Variants in MYOT observed in about 807,000 individuals in gnomAD.
MYOT encodes the protein 57 kDa cytoskeletal protein.
MYOT carries 36 observed loss-of-function variants against 58.0 expected under a neutral mutation model. The observed-to-expected ratio is 0.62, with a 90% confidence interval of 0.48 to 0.82. The LOEUF is 0.82. MYOT is among the 40% of genes least tolerant of loss of function. The pLI, the probability that MYOT is intolerant of heterozygous loss-of-function variation, is 0.00. For missense variants in MYOT, 505 were observed against 592.1 expected (o/e 0.85, Z 1.53); for synonymous variants, 218 against 204.6 (o/e 1.07, Z -0.56).
rs780331457 is a variant in MYOT at position 137,887,232 on chromosome 5, TC to T, written c.1346del (p.Pro449GlnfsTer16). 1.2e-5 allele frequency: 20 copies of T among 1,613,958 alleles called. No individual in the cohort carries two copies. In the African/African-American group the frequency reaches 2.7e-4, roughly 22 times the overall value. On this transcript the variant is annotated frameshift_variant, in exon 10 of 10. Coordinates refer to ENST00000239926, the MANE Select transcript of MYOT (RefSeq NM_006790.3). LOFTEE classifies it high-confidence loss of function. ...DVTARPNQTL[P>X]APKQLRVRPT... Reference sequence around the variant, plus strand: ...TTTCAGCACGTCCAAACCAAACTCTTCCAGCTCCTAAGCAGTTACGGGTTCG... The same window carrying T: ...TTTCAGCACGTCCAAACCAAACTCTTCAGCTCCTAAGCAGTTACGGGTTCG...
At chr5:137,872,168 T>C (rs1755071930) in intron 2 of MYOT, among the ~76,000 whole-genome samples, 1 of 152,226 alleles carries the variant, frequency 6.6e-6, no homozygotes, top group Admixed American at 6.5e-5. Flanking sequence ...GATAGTCAAC[T>C]GTTTTTGACC....
intron 5 of MYOT, among the ~76,000 whole-genome samples, chr5:137,881,685 T>C (rs1386429534): frequency 3.9e-5 from 6 of 152,094 alleles, no homozygotes; most frequent in Non-Finnish European, 8.8e-5. Context: ...AAAACTTAAT[T>C]TGGATATTTT....
At position 137,887,632 on chromosome 5, in the gene MYOT, G is replaced by A. The variant is rs1398077023; in HGVS notation, c.*247G>A. On this transcript the variant is annotated 3_prime_UTR_variant, in exon 10 of 10. Transcript: ENST00000239926. ...CTGCAGAAGACTATCTTAAAATACA[G>A]GATTTTAACATTTAAGTCATGCACA... is the stretch of plus-strand genomic sequence containing the variant. The A allele has an allele frequency of 9.6e-6, 2 of 207,858 alleles. No homozygotes were observed. Among genetic ancestry groups the A allele is most frequent in the Non-Finnish European group, 1.9e-5 (2 of 106,710 alleles). 12.9% of individuals were successfully genotyped at this position (207,858 alleles called of 1,614,324 possible).
chr5:137,868,471 C>G (rs1383477528), intron 1 of MYOT, among the ~76,000 whole-genome samples: 2 of 152,042 alleles, frequency 1.3e-5, no homozygotes, highest in Non-Finnish European at 2.9e-5. Context: ...ACAGGATCAC[C>G]TGCGTAAATG....
chr5:137,885,752 A>C (rs548425279), intron 7 of MYOT, among the ~76,000 whole-genome samples: 3 of 147,974 alleles, frequency 2.0e-5, no homozygotes, highest in Admixed American at 6.7e-5. Context: ...AGCCTGGGCA[A>C]AAGAGCGAGA....
intron 2 of MYOT, 43 bp from the exon 3 acceptor site, chr5:137,875,786 C>T: frequency 6.2e-7 from 1 of 1,603,784 alleles, no homozygotes; most frequent in Non-Finnish European, 8.5e-7. Context: ...AAAATGAGGC[C>T]AAGACCTTCT....
chr5:137,879,652 G>A (rs1005688392), intron 4 of MYOT, among the ~76,000 whole-genome samples: 2 of 141,380 alleles, frequency 1.4e-5, no homozygotes, highest in Non-Finnish European at 3.0e-5. Context: ...AGCCTCCCGA[G>A]TAGCTGGGAC....
intron 9 of MYOT, 105 bp downstream of exon 9, chr5:137,887,102 A>G: frequency 6.5e-7 from 1 of 1,549,814 alleles, no homozygotes; most frequent in Non-Finnish European, 8.9e-7. Flanking sequence ...TTTTCCCCAT[A>G]TATAATCAGT....
intron 2 of MYOT, among the ~76,000 whole-genome samples, chr5:137,875,217 C>T (rs536478481): frequency 1.6e-4 from 25 of 152,312 alleles, no homozygotes; most frequent in African/African-American, 5.8e-4. Context: ...CTTGAGGCCA[C>T]TATCCTAAGC....
chr5:137,873,820 A>AT, intron 2 of MYOT, among the ~76,000 whole-genome samples: 1 of 152,322 alleles, frequency 6.6e-6, no homozygotes, highest in Admixed American at 6.5e-5. Flanking sequence ...AAAATCACTC[A>AT]TTCACTCAAC....
At chr5:137,877,367 C>CAAAAA (rs1172576383) in intron 3 of MYOT, among the ~76,000 whole-genome samples, 153 bp from the exon 4 acceptor site, 51 of 41,570 alleles carry the variant, frequency 1.2e-3, no homozygotes, top group Non-Finnish European at 1.9e-3. Flanking sequence ...GACTCCGTCT[C>CAAAAA]AAAAAAAAAA....
Position 137,883,566 on chromosome 5 carries a change from C to A in MYOT, c.999C>A (p.Thr333=), listed in dbSNP as rs1320608556. ...CCAAGAATAGAGCAGGAGAAGCCAC[C>A]TTCACTGTGCAGCTGGATGTCCTTG... ...CVAKNRAGEA[T]FTVQLDVLAK... is the part of the protein sequence containing the mutation. Residue 333 remains threonine, a synonymous_variant, in exon 7 of 10, where the codon ACC becomes ACA. Coordinates refer to ENST00000239926, the MANE Select transcript of MYOT (RefSeq NM_006790.3). The A allele has an allele frequency of 4.3e-6, 7 of 1,613,994 alleles. No individual in the cohort carries two copies. The Admixed American group carries it at 6.7e-5, about 15-fold the overall frequency.
At chr5:137,869,051 T>C (rs868216883) in intron 1 of MYOT, among the ~76,000 whole-genome samples, 4 of 149,878 alleles carry the variant, frequency 2.7e-5, no homozygotes, top group African/African-American at 1.0e-4. Context: ...CTAAACTACA[T>C]AGGCAACTTT....
chr5:137,883,510 G>T lies in MYOT; in HGVS notation c.943G>T (p.Ala315Ser), dbSNP rs536024294. 4 of 1,614,150 alleles carry T rather than the reference G, an allele frequency of 2.5e-6. No individual in the cohort carries two copies. The highest frequency in any genetic ancestry group is 3.4e-6 in the Non-Finnish European group (4 of 1,180,026). Residue 315 changes from alanine to serine, a missense_variant, in exon 7 of 10, where the codon GCT (alanine) becomes TCT (serine). Transcript: ENST00000239926. ...LHSLIFEVVR[A>S]SDAGAYACVA... is the part of the protein sequence containing the mutation. ...TTCACTCATCTTTGAAGTAGTCAGA[G>T]CTTCAGATGCAGGGGCTTATGCATG...
In MYOT at chr5:137,870,903, G is replaced by A. The variant is rs886044687; in HGVS notation, c.252G>A (p.Arg84=). The A allele has an allele frequency of 6.8e-6, 11 of 1,613,938 alleles. No homozygotes were observed. In the African/African-American group the frequency reaches 9.3e-5, roughly 14 times the overall value. Residue 84 remains arginine (R), a synonymous_variant, in exon 2 of 10, where the codon AGG becomes AGA. Transcript: ENST00000239926. ...ATGCTGGCTCCAACCCAGGCCAAAGGGTTACAACCACCTATAACCAGTCCC... is the reference window on the plus strand; with the variant it reads ...ATGCTGGCTCCAACCCAGGCCAAAGAGTTACAACCACCTATAACCAGTCCC... ...QQHAGSNPGQ[R]VTTTYNQSPA... is the part of the protein sequence containing the mutation.
Position 137,886,134 on chromosome 5 carries a change from C to G in MYOT, c.1111C>G (p.Gln371Glu), listed in dbSNP as rs1755593866. The G allele has an allele frequency of 6.2e-7, 1 of 1,611,704 alleles. No homozygotes were observed. The highest frequency in any genetic ancestry group is 2.2e-5 in the East Asian group (1 of 44,748). The change falls in exon 8 of 10, where the codon CAG (glutamine) becomes GAG (glutamate). Residue 371 changes from glutamine (Q) to glutamate (E), a missense_variant. Physicochemically the swap from Gln to Glu is conservative, Grantham distance 29. Coordinates refer to ENST00000239926, the MANE Select transcript of MYOT (RefSeq NM_006790.3). ...GGGAGATTCAGTGAAACTAGAATGC[C>G]AGATCTCGGCTATACCTCCACCAAA... The part of the protein sequence containing the change: ...LEGDSVKLEC[Q>E]ISAIPPPKLF...
In MYOT at chr5:137,887,598, G is replaced by C. The variant is rs1013084090; in HGVS notation, c.*213G>C. ...AGCCTACAGGAAATCTGGGTATATG[G>C]ATTTGTAACTGCAGAAGACTATCTT... On this transcript the variant is annotated 3_prime_UTR_variant, in exon 10 of 10. Transcript: ENST00000239926. The C allele has an allele frequency of 3.8e-6, 1 of 260,332 alleles. No homozygotes were observed. The highest frequency in any genetic ancestry group is 2.3e-5 in the African/African-American group (1 of 43,960). 16.1% of individuals were successfully genotyped at this position (260,332 alleles called of 1,614,324 possible).
chr5:137,873,802 A>G (rs1387193253), intron 2 of MYOT, among the ~76,000 whole-genome samples: 1 of 152,222 alleles, frequency 6.6e-6, no homozygotes, highest in East Asian at 1.9e-4. Context: ...AGTGTCCTGA[A>G]TACTATGAAA....
rs762927139 is a variant in MYOT, at chr5:137,886,029, T to A, written c.1025-19T>A. 33 of 1,479,990 alleles carry A rather than the reference T, an allele frequency of 2.2e-5. No homozygotes were observed. The Admixed American group carries it at 5.8e-4, about 26-fold the overall frequency. The allele number at this position is 1,479,990 out of a possible 1,614,324, so 91.7% of individuals were successfully genotyped here. ...TTTTATAATATTTCAAATACTTGAA[T>A]TTTTGTATTAATATATAGCAAAAGA... On this transcript the variant is annotated intron_variant, in intron 7 of 9. Transcript: ENST00000239926.
Sources: gnomAD v4.1 joint callset for allele counts (sites outside exome capture counted in the v4.1 genomes callset) on GRCh38, gnomAD v4.1.1 for gene constraint, MANE v1.5 for transcripts, NCBI Gene and HGNC (gene_info 2026-07-23, HGNC 2026-07-21) for gene names.